GRM1: variants seen among roughly 807,000 people sequenced by gnomAD.
GRM1 encodes the protein metabotropic glutamate receptor 1.
Under a neutral mutation model 90.9 loss-of-function variants are expected in GRM1, and 33 were observed. The ratio of observed to expected loss-of-function variants is 0.36; its 90% CI spans 0.28 to 0.49. GRM1 has a LOEUF of 0.49. GRM1 is among the 20% of genes least tolerant of loss of function. The pLI, the probability that GRM1 is intolerant of heterozygous loss-of-function variation, is 0.99. For missense variants in GRM1, 1,190 were observed against 1,534.3 expected, an observed-to-expected ratio of 0.78 and a Z score of 3.75; for synonymous variants, 700 against 613.2, an observed-to-expected ratio of 1.14 and a Z score of -2.09.
chr6:146,363,928 T>A (rs2252798), intron 5 of GRM1, among the ~76,000 whole-genome samples: 87,989 of 152,122 alleles, frequency 0.58, 27,668 homozygotes, highest in African/African-American at 0.85. Flanking sequence ...TGCCCCTCTG[T>A]TCTCACTGGC....
intron 1 of GRM1, among the ~76,000 whole-genome samples, chr6:146,149,193 G>A (rs1264566756): frequency 3.3e-5 from 5 of 152,168 alleles, no homozygotes; most frequent in African/African-American, 4.8e-5. Flanking sequence ...GCTGGATATA[G>A]ATAAATGTAG....
chr6:146,254,331 C>T (rs1032994656), intron 2 of GRM1, among the ~76,000 whole-genome samples: 2 of 152,070 alleles, frequency 1.3e-5, no homozygotes, highest in African/African-American at 4.8e-5. Flanking sequence ...CCAGCTTCCA[C>T]ACTGGAAGGA....
intron 3 of GRM1, among the ~76,000 whole-genome samples, chr6:146,308,264 C>T (rs1460213357): frequency 2.0e-5 from 3 of 152,148 alleles, no homozygotes; most frequent in Non-Finnish European, 4.4e-5. Flanking sequence ...CTCACTTAAC[C>T]TCAGAACCTC....
intron 2 of GRM1, among the ~76,000 whole-genome samples, chr6:146,180,639 C>T (rs926564917): frequency 1.3e-5 from 2 of 150,306 alleles, no homozygotes; most frequent in Non-Finnish European, 2.9e-5. Flanking sequence ...GATCATTTTT[C>T]TTTTTTCTTT....
intron 7 of GRM1, among the ~76,000 whole-genome samples, chr6:146,421,496 T>C (rs1777991512): frequency 6.6e-6 from 1 of 152,126 alleles, no homozygotes; most frequent in Non-Finnish European, 1.5e-5. Flanking sequence ...ACATAAAATA[T>C]GCCAAGTGAC....
chr6:146,393,612 A>G (rs887926114), intron 6 of GRM1, among the ~76,000 whole-genome samples: 1 of 152,004 alleles, frequency 6.6e-6, no homozygotes, highest in Non-Finnish European at 1.5e-5. Context: ...TCAAGGAAGT[A>G]AGAGGACACA....
chr6:146,075,240 A>G (rs968988379), intron 1 of GRM1, among the ~76,000 whole-genome samples: 2 of 152,220 alleles, frequency 1.3e-5, no homozygotes, highest in African/African-American at 4.8e-5. Context: ...AATTATTGTT[A>G]GAAAGCCCAG....
intron 2 of GRM1, among the ~76,000 whole-genome samples, chr6:146,296,045 G>T (rs950497932): frequency 2.6e-5 from 4 of 152,182 alleles, no homozygotes; most frequent in African/African-American, 9.6e-5. Context: ...TCCCGTAAAA[G>T]ACATGACTTC....
chr6:146,358,024 T>G (rs1785655687), intron 5 of GRM1, among the ~76,000 whole-genome samples: 1 of 152,232 alleles, frequency 6.6e-6, no homozygotes, highest in East Asian at 1.9e-4. Flanking sequence ...ATAATAGTGC[T>G]TAGTCATAGT....
At chr6:146,351,433 G>T (rs1164427468) in intron 3 of GRM1, among the ~76,000 whole-genome samples, 2 of 152,110 alleles carry the variant, frequency 1.3e-5, no homozygotes, top group African/African-American at 2.4e-5. Flanking sequence ...AAACCCAGTT[G>T]GTCCCAAAAT....
intron 7 of GRM1, among the ~76,000 whole-genome samples, chr6:146,402,409 T>C (rs1777190893): frequency 6.6e-6 from 1 of 152,112 alleles, no homozygotes; most frequent in Non-Finnish European, 1.5e-5. Context: ...CAATGCTATG[T>C]TTTTACCTTT....
rs191853092 is a variant in GRM1, at chr6:146,076,035, G to T, written c.700+45818G>T. ...AAGATCAAACAATTGTGTCCCTGTG[G>T]GGGACAAAGTTCAATCTATAACTAT... On this transcript the variant is annotated intron_variant, in intron 1 of 7. Coordinates refer to ENST00000282753, the MANE Select transcript of GRM1 (RefSeq NM_001278064.2). 1.2e-3 allele frequency among the ~76,000 whole-genome samples: 187 copies of T among 152,280 alleles called. 1 individual carries two copies. The highest frequency in any genetic ancestry group is 4.0e-3 in the Admixed American group (61 of 15,284).
intron 5 of GRM1, among the ~76,000 whole-genome samples, chr6:146,376,432 C>G (rs943202139): frequency 5.3e-5 from 8 of 151,918 alleles, no homozygotes; most frequent in African/African-American, 1.9e-4. Flanking sequence ...GGAAGTACTC[C>G]CTTAAGTATT....
chr6:146,399,440 T>G lies in GRM1; in HGVS notation c.2401T>G (p.Phe801Val). 6.2e-7 allele frequency: 1 copy of G among 1,614,188 alleles called. No individual in the cohort carries two copies. Among genetic ancestry groups the G allele is most frequent in the Non-Finnish European group, 8.5e-7 (1 of 1,180,034 alleles). Residue 801 changes from phenylalanine to valine, a missense_variant, in exon 7 of 8, where the codon TTT (phenylalanine) becomes GTT (valine). Phe to Val is a conservative substitution (Grantham distance 50). Around this residue, in one of 10 missense-constraint regions of GRM1, gnomAD observed 73 missense variants for 150.6 expected, o/e 0.48. Transcript: ENST00000282753. The surrounding 1 kb of genome is among the most constrained non-coding windows in gnomAD (Gnocchi z 5.4). ...MYTTCIIWLA[F>V]VPIYFGSNYK... ...CACCACCTGTATCATCTGGCTAGCT[T>G]TTGTGCCCATTTACTTTGGGAGCAA...
intron 2 of GRM1, among the ~76,000 whole-genome samples, chr6:146,253,069 T>A (rs1233052004): frequency 1.3e-5 from 2 of 148,512 alleles, no homozygotes; most frequent in Admixed American, 1.3e-4. Flanking sequence ...AAAAAAAAAA[T>A]TGATAAATTG....
rs905953675 is a variant in GRM1 at position 146,140,965 on chromosome 6, G to C, written c.701-18383G>C. On this transcript the variant is annotated intron_variant, in intron 1 of 7. Coordinates refer to ENST00000282753, the MANE Select transcript of GRM1 (RefSeq NM_001278064.2). ...TTTTTCTGTGTACCTACTAGTACCA[G>C]TGAGCTTTGCACCTTCAGATCGTTT... Among the ~76,000 whole-genome samples, 23 of 152,278 alleles carry C rather than the reference G, an allele frequency of 1.5e-4. 1 individual carries two copies. Among genetic ancestry groups the C allele is most frequent in the African/African-American group, 4.8e-4 (20 of 41,556 alleles).
chr6:146,388,298 A>G (rs977063526), intron 6 of GRM1, among the ~76,000 whole-genome samples: 8 of 152,012 alleles, frequency 5.3e-5, no homozygotes, highest in African/African-American at 1.9e-4. Flanking sequence ...AGCAGAACCT[A>G]GTCCACTAAC....
At chr6:146,036,598 T>C (rs1347328247) in intron 1 of GRM1, among the ~76,000 whole-genome samples, 1 of 152,020 alleles carries the variant, frequency 6.6e-6, no homozygotes, top group East Asian at 1.9e-4. Flanking sequence ...TCTCTTAAAC[T>C]TAAGGCATTG....
chr6:146,291,616 C>T (rs1178509230), intron 2 of GRM1, among the ~76,000 whole-genome samples: 1 of 151,528 alleles, frequency 6.6e-6, no homozygotes, highest in Non-Finnish European at 1.5e-5. Context: ...CAGGAAACTA[C>T]AAAAGATTGC....
Sources: allele counts gnomAD v4.1 joint callset (sites outside exome capture counted in the v4.1 genomes callset), GRCh38; gene constraint gnomAD v4.1.1; regional missense constraint gnomAD v4.1.1; non-coding constraint Gnocchi (gnomAD v3.1); transcripts MANE v1.5; gene names NCBI Gene and HGNC (gene_info 2026-07-23, HGNC 2026-07-21).